Variants in CCNY observed in about 807,000 individuals in gnomAD.
The protein encoded by CCNY is cyclin Y.
Under a neutral mutation model 42.8 loss-of-function variants are expected in CCNY, and 19 were observed. That is an observed-to-expected ratio of 0.44 (90% CI 0.31 to 0.65). The LOEUF (loss-of-function observed/expected upper bound fraction) is 0.65, where lower values mean the gene tolerates loss of function less well. Among genes scored for constraint, CCNY ranks in the 30% least tolerant of loss-of-function variants. CCNY has a pLI of 0.07. For missense variants in CCNY, 370 were observed against 437.3 expected (o/e 0.85, Z 1.37); for synonymous variants, 165 against 162.7 (o/e 1.01, Z -0.11).
At chr10:35,406,435 A>G (rs910429462) in intron 1 of CCNY, among the ~76,000 whole-genome samples, 3 of 151,830 alleles carry the variant, frequency 2.0e-5, no homozygotes, top group Non-Finnish European at 4.4e-5. Flanking sequence ...ATGACTCTCA[A>G]CGAGCATGCT....
chr10:35,542,675 C>G (rs913372081), intron 7 of CCNY, among the ~76,000 whole-genome samples: 4 of 152,216 alleles, frequency 2.6e-5, no homozygotes, highest in African/African-American at 7.2e-5. Flanking sequence ...CCATTCAACC[C>G]CTGAACTGCA....
Position 35,483,411 on chromosome 10 carries a change from C to T in CCNY, c.162C>T (p.Asn54=). Residue 54 remains asparagine, a synonymous_variant, in exon 2 of 10, where the codon AAC becomes AAT. Coordinates refer to ENST00000374704, the MANE Select transcript of CCNY (RefSeq NM_145012.6). ...ISDRENIDDL[N]MEFNPSDHPR... ...ATTTTCCTTTCTTTAAAGATTTGAA[C>T]ATGGAATTCAATCCTTCAGATCATC... The T allele has an allele frequency of 6.2e-7, 1 of 1,600,484 alleles. No individual in the cohort carries two copies. Among genetic ancestry groups the T allele is most frequent in the Non-Finnish European group, 8.6e-7 (1 of 1,169,178 alleles).
chr10:35,321,772 GAAC>G (rs1391866352), intron 3 of CCNY, among the ~76,000 whole-genome samples: 1 of 152,024 alleles, frequency 6.6e-6, no homozygotes, highest in African/African-American at 2.4e-5. Context: ...TTTTGAAAAA[GAAC>G]AACAAAGTTG....
At chr10:35,473,007 G>A (rs538757148) in intron 1 of CCNY, among the ~76,000 whole-genome samples, 123 of 152,250 alleles carry the variant, frequency 8.1e-4, no homozygotes, top group Non-Finnish European at 1.2e-3. Context: ...GAAAAAAAAA[G>A]CAATATTTAT....
At chr10:35,553,211 G>T in intron 8 of CCNY, 26 bp downstream of exon 8, 2 of 1,610,330 alleles carry the variant, frequency 1.2e-6, no homozygotes, top group Non-Finnish European at 1.7e-6. Context: ...GAGGGTGTTG[G>T]TCATCAGAGT....
chr10:35,457,456 C>G (rs1445117484), intron 1 of CCNY, among the ~76,000 whole-genome samples: 1 of 152,188 alleles, frequency 6.6e-6, no homozygotes, highest in East Asian at 1.9e-4. Context: ...CTCCGTGTTT[C>G]CTGTGTCTGG....
At chr10:35,554,440 T>G (rs1841322659) in intron 8 of CCNY, among the ~76,000 whole-genome samples, 1 of 152,008 alleles carries the variant, frequency 6.6e-6, no homozygotes. Context: ...GTAAGAAAAA[T>G]AAAATTCTTG....
chr10:35,485,279 A>G (rs1311498313), intron 2 of CCNY, among the ~76,000 whole-genome samples: 1 of 152,206 alleles, frequency 6.6e-6, no homozygotes, highest in South Asian at 2.1e-4. Context: ...TTCTTGGGCT[A>G]TTGCCCATGT....
At chr10:35,558,156 A>G (rs1321196433) in intron 8 of CCNY, among the ~76,000 whole-genome samples, 1 of 152,218 alleles carries the variant, frequency 6.6e-6, no homozygotes, top group Non-Finnish European at 1.5e-5. Flanking sequence ...AGAGTCATTC[A>G]CTTTTCCAGC....
At chr10:35,515,235 A>G (rs1840403302) in intron 3 of CCNY, among the ~76,000 whole-genome samples, 1 of 152,160 alleles carries the variant, frequency 6.6e-6, no homozygotes, top group Non-Finnish European at 1.5e-5. Context: ...CTTTCCTTCT[A>G]ACCTGTTTGC....
Position 35,516,657 on chromosome 10 carries a change from CTTCCTTTT to C in CCNY, c.365+37_365+44del. The C allele has an allele frequency of 1.2e-5, 10 of 808,632 alleles. No homozygotes were observed. The African/African-American group carries it at 1.3e-4, about 10-fold the overall frequency. 50.1% of individuals were successfully genotyped at this position (808,632 alleles called of 1,614,324 possible). Reference sequence around the variant, plus strand: ...ATGGATTTATTTCCTTCCTTCCTTCCTTCCTTTTTTTTTTTTTTTTTTTTTTTTTTTAC... The same window carrying C: ...ATGGATTTATTTCCTTCCTTCCTTCCTTTTTTTTTTTTTTTTTTTTTTTAC... On this transcript the variant is annotated intron_variant, in intron 4 of 9. Transcript: ENST00000374704.
chr10:35,264,193 A>ATT, intron 3 of CCNY, among the ~76,000 whole-genome samples: 1 of 152,154 alleles, frequency 6.6e-6, no homozygotes, highest in African/African-American at 2.4e-5. Flanking sequence ...TTGGGTATAT[A>ATT]CCCAGTGATG....
intron 3 of CCNY, among the ~76,000 whole-genome samples, chr10:35,503,613 A>G (rs887286812): frequency 2.0e-5 from 3 of 152,222 alleles, no homozygotes; most frequent in Non-Finnish European, 2.9e-5. Context: ...AGCAATAATA[A>G]TAATCGGTCC....
intron 4 of CCNY, among the ~76,000 whole-genome samples, chr10:35,519,144 T>C (rs111745345): frequency 0.091 from 9,993 of 109,224 alleles, 809 homozygotes; most frequent in African/African-American, 0.25. Context: ...TTGATTGAAT[T>C]TGGCTGAGGT....
intron 3 of CCNY, among the ~76,000 whole-genome samples, chr10:35,292,154 C>T (rs1835420941): frequency 6.6e-6 from 1 of 152,030 alleles, no homozygotes; most frequent in African/African-American, 2.4e-5. Context: ...GCCATTTATA[C>T]ATCTTTTTTG....
intron 1 of CCNY, among the ~76,000 whole-genome samples, chr10:35,469,757 A>T (rs1373254230): frequency 6.8e-6 from 1 of 146,234 alleles, no homozygotes; most frequent in African/African-American, 2.6e-5. Flanking sequence ...GGGAGACAGG[A>T]AGATGGAGAG....
intron 3 of CCNY, among the ~76,000 whole-genome samples, chr10:35,307,617 T>C (rs1320778931): frequency 1.3e-5 from 2 of 151,842 alleles, no homozygotes; most frequent in Non-Finnish European, 2.9e-5. Context: ...TAACCTTCCA[T>C]GCATGATGCC....
chr10:35,327,735 G>C (rs1402447443), intron 3 of CCNY: 1 of 152,356 alleles, frequency 6.6e-6, no homozygotes, highest in African/African-American at 2.4e-5. Context: ...CTTTGGAGGA[G>C]GTTGAGGCAG....
intron 3 of CCNY, among the ~76,000 whole-genome samples, chr10:35,327,389 G>C (rs926708626): frequency 3.3e-5 from 5 of 151,978 alleles, no homozygotes; most frequent in African/African-American, 1.2e-4. Context: ...TATGTAATTA[G>C]TTATCATTCA....
Sources: allele counts gnomAD v4.1 joint callset (sites outside exome capture counted in the v4.1 genomes callset), GRCh38; gene constraint gnomAD v4.1.1; transcripts MANE v1.5; gene names NCBI Gene and HGNC (gene_info 2026-07-23, HGNC 2026-07-21).